The following EPHA3 variants were observed in gnomAD, a reference collection of about 807,000 sequenced individuals.
The protein encoded by EPHA3 is EPH receptor A3, also known as ephrin type-A receptor 3.
EPHA3 carries 42 observed loss-of-function variants against 107.1 expected under a neutral mutation model. The ratio of observed to expected loss-of-function variants is 0.39; its 90% CI spans 0.31 to 0.51. The LOEUF (loss-of-function observed/expected upper bound fraction) is 0.51. EPHA3 is among the 20% of genes least tolerant of loss of function. EPHA3 has a pLI of 0.78. For missense variants in EPHA3, 1,183 were observed against 1,211.2 expected (o/e 0.98, Z 0.35); for synonymous variants, 461 against 424.8 (o/e 1.09, Z -1.05).
At chr3:89,297,960 G>C (rs1182641942) in intron 3 of EPHA3, among the ~76,000 whole-genome samples, 1 of 152,094 alleles carries the variant, frequency 6.6e-6, no homozygotes, top group Non-Finnish European at 1.5e-5. Context: ...ACTTGAACCT[G>C]GGAGGCGGAG....
chr3:89,316,152 T>C (rs1479919971), intron 3 of EPHA3, among the ~76,000 whole-genome samples: 2 of 151,816 alleles, frequency 1.3e-5, no homozygotes, highest in African/African-American at 4.8e-5. Context: ...TCAAATACTA[T>C]AGCTGGCACG....
At chr3:89,209,792 C>A in intron 2 of EPHA3, 68 bp from the exon 3 acceptor site, 2 of 1,316,584 alleles carry the variant, frequency 1.5e-6, no homozygotes, top group South Asian at 1.5e-5. Flanking sequence ...ATGGCTCTGA[C>A]ACCCTTATGT....
intron 5 of EPHA3, among the ~76,000 whole-genome samples, chr3:89,361,847 C>A (rs544186853): frequency 2.0e-5 from 3 of 151,086 alleles, no homozygotes; most frequent in African/African-American, 7.3e-5. Flanking sequence ...ATAATTCCCT[C>A]TTTGTTACTT....
intron 1 of EPHA3, among the ~76,000 whole-genome samples, chr3:89,108,929 GT>G (rs1318123041): frequency 2.2e-4 from 34 of 152,260 alleles, no homozygotes; most frequent in African/African-American, 7.0e-4. Flanking sequence ...AGCAACTGAT[GT>G]GCAAACATCA....
chr3:89,269,651 T>C (rs1186134613), intron 3 of EPHA3, among the ~76,000 whole-genome samples: 2 of 151,122 alleles, frequency 1.3e-5, no homozygotes, highest in African/African-American at 2.4e-5. Context: ...ATGTGCACAT[T>C]GTGCAGGTTA....
chr3:89,248,158 C>G (rs9847087), intron 3 of EPHA3, among the ~76,000 whole-genome samples: 40,412 of 152,034 alleles, frequency 0.27, 5,639 homozygotes, highest in African/African-American at 0.32. Context: ...GCTGCAACAT[C>G]TACTGCCTGC....
At chr3:89,132,272 A>G (rs942037496) in intron 2 of EPHA3, among the ~76,000 whole-genome samples, 6 of 152,184 alleles carry the variant, frequency 3.9e-5, no homozygotes, top group Non-Finnish European at 8.8e-5. Flanking sequence ...GAATTACGTG[A>G]AAGAATGCCT....
chr3:89,388,365 A>G (rs1462451212), intron 5 of EPHA3, among the ~76,000 whole-genome samples: 2 of 152,190 alleles, frequency 1.3e-5, no homozygotes, highest in Non-Finnish European at 1.5e-5. Flanking sequence ...TGTAATTACA[A>G]CACAATGCAG....
At chr3:89,478,349 A>G (rs1273481964) in intron 16 of EPHA3, among the ~76,000 whole-genome samples, 1 of 152,216 alleles carries the variant, frequency 6.6e-6, no homozygotes, top group Non-Finnish European at 1.5e-5. Context: ...TAAAACAGCA[A>G]GAGGTTTATT....
At chr3:89,258,827 C>A (rs1173944303) in intron 3 of EPHA3, among the ~76,000 whole-genome samples, 1 of 152,048 alleles carries the variant, frequency 6.6e-6, no homozygotes, top group Non-Finnish European at 1.5e-5. Flanking sequence ...GAACATGTGA[C>A]AACAAAAGGA....
chr3:89,233,257 G>A (rs1005022434), intron 3 of EPHA3, among the ~76,000 whole-genome samples: 31 of 152,110 alleles, frequency 2.0e-4, no homozygotes, highest in African/African-American at 7.5e-4. Flanking sequence ...AAAGTGGAAA[G>A]CCTTGTTCAT....
chr3:89,461,280 T>C (rs1710235226), intron 15 of EPHA3, among the ~76,000 whole-genome samples: 3 of 107,508 alleles, frequency 2.8e-5, no homozygotes, highest in South Asian at 3.0e-4. Context: ...AGTGCCGCAA[T>C]AAACATACGT....
intron 5 of EPHA3, among the ~76,000 whole-genome samples, chr3:89,373,852 G>T (rs79852221): frequency 0.015 from 2,313 of 151,836 alleles, 42 homozygotes; most frequent in African/African-American, 0.053. Context: ...AAGGCTTTGA[G>T]ATGTAGAGGA....
At chr3:89,108,347 T>C (rs1304857426) in intron 1 of EPHA3, among the ~76,000 whole-genome samples, 4 of 152,188 alleles carry the variant, frequency 2.6e-5, no homozygotes, top group Non-Finnish European at 5.9e-5. Flanking sequence ...TGCGTGTTTA[T>C]GGTGCAAGGG....
intron 3 of EPHA3, among the ~76,000 whole-genome samples, chr3:89,266,419 G>T (rs950159043): frequency 6.6e-6 from 1 of 152,072 alleles, no homozygotes; most frequent in African/African-American, 2.4e-5. Context: ...CACATTATTA[G>T]ACTTTAAAGA....
At chr3:89,255,999 C>T (rs1046299245) in intron 3 of EPHA3, among the ~76,000 whole-genome samples, 18 of 152,182 alleles carry the variant, frequency 1.2e-4, no homozygotes, top group Non-Finnish European at 1.8e-4. Flanking sequence ...AGGCCAAAGC[C>T]AGCAGATCAC....
At chr3:89,137,908 G>C (rs895600630) in intron 2 of EPHA3, among the ~76,000 whole-genome samples, 2 of 151,916 alleles carry the variant, frequency 1.3e-5, no homozygotes, top group Admixed American at 1.3e-4. Context: ...TGTTAGAAAT[G>C]CAAAATTCTG....
intron 2 of EPHA3, among the ~76,000 whole-genome samples, chr3:89,204,809 C>T (rs921976920): frequency 6.6e-6 from 1 of 151,820 alleles, no homozygotes; most frequent in Non-Finnish European, 1.5e-5. Flanking sequence ...ACTTCCAGGA[C>T]GAAGACTGGA....
intron 9 of EPHA3, among the ~76,000 whole-genome samples, chr3:89,412,795 T>C (rs1709179908): frequency 6.6e-6 from 1 of 151,792 alleles, no homozygotes; most frequent in Non-Finnish European, 1.5e-5. Flanking sequence ...CATAATGGTG[T>C]TCACTCACTG....
Sources: gnomAD v4.1 joint callset for allele counts (sites outside exome capture counted in the v4.1 genomes callset) on GRCh38, gnomAD v4.1.1 for gene constraint, MANE v1.5 for transcripts, NCBI Gene and HGNC (gene_info 2026-07-23, HGNC 2026-07-21) for gene names.